ZSWIM2: variants seen among roughly 807,000 people sequenced by gnomAD.
The protein encoded by ZSWIM2 is E3 ubiquitin-protein ligase ZSWIM2.
A neutral mutation model predicts 48.4 loss-of-function variants in ZSWIM2; 38 were observed. The observed-to-expected ratio is 0.79, with a 90% confidence interval of 0.61 to 1.03. The LOEUF (loss-of-function observed/expected upper bound fraction) is 1.03. ZSWIM2 is among the 50% of genes least tolerant of loss of function. The pLI, the probability that ZSWIM2 is intolerant of heterozygous loss-of-function variation, is 0.00. For synonymous variants in ZSWIM2, 240 were observed against 251.3 expected (o/e 0.96, Z 0.42); for missense variants, 776 against 730.2 (o/e 1.06, Z -0.72).
Position 186,839,091 on chromosome 2 carries a change from G to T in ZSWIM2, c.362C>A (p.Pro121Gln), listed in dbSNP as rs1333010458. ...RGIHRVQTPQ[P>Q]GTNDENEHVE... is the part of the protein sequence containing the mutation. ...ATGTTCATTTTCGTCATTTGTTCCTGGTTGGGGAGTTTGAACTCGATGTAT... is the reference window on the plus strand; with the variant it reads ...ATGTTCATTTTCGTCATTTGTTCCTTGTTGGGGAGTTTGAACTCGATGTAT... The change falls in exon 4 of 9, where the codon CCA becomes CAA. Residue 121 changes from proline to glutamine, a missense_variant. Physicochemically the swap from Pro to Gln is moderately conservative, Grantham distance 76 (BLOSUM62 -1). Coordinates refer to ENST00000295131, the MANE Select transcript of ZSWIM2 (RefSeq NM_182521.3). 6 of 1,611,798 alleles carry T rather than the reference G, an allele frequency of 3.7e-6. No homozygotes were observed. The South Asian group carries it at 6.6e-5, about 18-fold the overall frequency.
intron 2 of ZSWIM2, among the ~76,000 whole-genome samples, chr2:186,846,262 T>C (rs1055781826): frequency 1.6e-4 from 25 of 151,846 alleles, no homozygotes; most frequent in African/African-American, 5.8e-4. Flanking sequence ...CCTGAATCTA[T>C]AAGGAACTGA....
At chr2:186,830,920 T>C (rs1038246802) in intron 7 of ZSWIM2, among the ~76,000 whole-genome samples, 1 of 152,178 alleles carries the variant, frequency 6.6e-6, no homozygotes, top group African/African-American at 2.4e-5. Flanking sequence ...TTCAGAAAAG[T>C]TTGTACTTCT....
At chr2:186,846,186 T>C (rs9288136) in intron 2 of ZSWIM2, among the ~76,000 whole-genome samples, 1,904 of 151,818 alleles carry the variant, frequency 0.013, 38 homozygotes, top group African/African-American at 0.043. Context: ...ATCAACAGAG[T>C]GAACAGACAA....
intron 5 of ZSWIM2, among the ~76,000 whole-genome samples, chr2:186,835,929 TG>T (rs1160628275): frequency 6.6e-6 from 1 of 151,858 alleles, no homozygotes; most frequent in Non-Finnish European, 1.5e-5. Flanking sequence ...GGGTCACTAG[TG>T]GGCAGGGGGC....
chr2:186,828,473 G>A lies in ZSWIM2; in HGVS notation c.1413C>T (p.Cys471=), dbSNP rs770557116. 3 of 1,613,252 alleles carry A rather than the reference G, an allele frequency of 1.9e-6. No individual in the cohort carries two copies. Among genetic ancestry groups the A allele is most frequent in the Admixed American group, 1.7e-5 (1 of 59,880 alleles). ...AYENTTIDNL[C]SIKLDNSNSK... ...AATTTGAATTATCTAATTTGATAGA[G>A]CATAGATTATCTATTGTTGTATTTT... Residue 471 remains cysteine, a synonymous_variant, in exon 9 of 9, where the codon TGC becomes TGT. Coordinates refer to ENST00000295131, the MANE Select transcript of ZSWIM2 (RefSeq NM_182521.3).
At chr2:186,838,442 A>G (rs1691839324) in intron 4 of ZSWIM2, among the ~76,000 whole-genome samples, 1 of 150,158 alleles carries the variant, frequency 6.7e-6, no homozygotes, top group Non-Finnish European at 1.5e-5. Flanking sequence ...TGTAATTTCA[A>G]AGTAAAATAA....
intron 2 of ZSWIM2, among the ~76,000 whole-genome samples, chr2:186,846,810 C>T (rs868282406): frequency 0.043 from 6,066 of 142,102 alleles, 602 homozygotes; most frequent in African/African-American, 0.16. Context: ...CACACACACA[C>T]ATATATATAT....
At position 186,834,031 on chromosome 2, in the gene ZSWIM2, C is replaced by A; in HGVS notation, c.744-1G>T. Reference sequence around the variant, plus strand: ...GTGATATTCTATGCATTCGGTACACCTAAAAATACAAAACATCAAAACACG... The same window carrying A: ...GTGATATTCTATGCATTCGGTACACATAAAAATACAAAACATCAAAACACG... On this transcript the variant is annotated splice_acceptor_variant, in intron 5 of 8. Transcript: ENST00000295131. LOFTEE classifies it high-confidence loss of function. The A allele has an allele frequency of 6.2e-7, 1 of 1,603,086 alleles. No individual in the cohort carries two copies. The highest frequency in any genetic ancestry group is 8.5e-7 in the Non-Finnish European group (1 of 1,172,652).
chr2:186,847,664 T>C (rs1692029669), intron 2 of ZSWIM2, 55 bp downstream of exon 2: 1 of 1,351,942 alleles, frequency 7.4e-7, no homozygotes, highest in African/African-American at 1.5e-5. Context: ...AGGCAAAATA[T>C]TTAACACACC....
rs767316396 is a variant in ZSWIM2 at position 186,834,067 on chromosome 2, A to G, written c.744-37T>C. On this transcript the variant is annotated intron_variant, in intron 5 of 8. Transcript: ENST00000295131. The stretch of plus-strand genomic sequence containing the variant: ...AAACATCAAAACACGCAAGAAAAAA[A>G]AATCCAATTATTGTGATGGTTTTGG... 7.9e-6 allele frequency: 12 copies of G among 1,518,582 alleles called. No homozygotes were observed. In the East Asian group the frequency reaches 2.7e-4, roughly 34 times the overall value. The allele number at this position is 1,518,582 out of a possible 1,614,324, so 94.1% of individuals were successfully genotyped here.
At chr2:186,847,037 G>A (rs1457038130) in intron 2 of ZSWIM2, among the ~76,000 whole-genome samples, 2 of 151,460 alleles carry the variant, frequency 1.3e-5, no homozygotes, top group South Asian at 2.1e-4. Context: ...TGGGAGGGTG[G>A]GAAGGGAGTA....
chr2:186,847,804 GA>G lies in ZSWIM2; in HGVS notation c.166-10del. 1 of 1,597,674 alleles carries G rather than the reference GA, an allele frequency of 6.3e-7. No homozygotes were observed. The highest frequency in any genetic ancestry group is 1.1e-5 in the South Asian group (1 of 88,126). The stretch of plus-strand genomic sequence containing the variant: ...GGATTTCCTAGAAAAACCTTTAAAG[GA>G]AAAATGCATACTTAAAAAGACCAGT... On this transcript the variant is annotated splice_polypyrimidine_tract_variant and intron_variant, in intron 1 of 8. Transcript: ENST00000295131.
rs770378328 is a variant in ZSWIM2 at position 186,828,337 on chromosome 2, T to C, written c.1549A>G (p.Ile517Val). The C allele has an allele frequency of 7.4e-6, 12 of 1,613,574 alleles. No individual in the cohort carries two copies. The highest frequency in any genetic ancestry group is 1.6e-4 in the Middle Eastern group (1 of 6,084). Residue 517 changes from isoleucine to valine, a missense_variant, in exon 9 of 9, where the codon ATT (isoleucine) becomes GTT (valine). Ile to Val is a conservative substitution (Grantham distance 29). Coordinates refer to ENST00000295131, the MANE Select transcript of ZSWIM2 (RefSeq NM_182521.3). Reference sequence around the variant, plus strand: ...GGACACACAATATTCTTATGAACAATAGGAGGAAGCAGTGTTTGAGATGGT... The same window carrying C: ...GGACACACAATATTCTTATGAACAACAGGAGGAAGCAGTGTTTGAGATGGT... ...KIPSQTLLPP[I>V]VHKNIVCPTA...
At chr2:186,843,228 T>C (rs1257710524) in intron 3 of ZSWIM2, among the ~76,000 whole-genome samples, 6 of 151,480 alleles carry the variant, frequency 4.0e-5, no homozygotes, top group African/African-American at 1.5e-4. Context: ...GAATAAGACT[T>C]TGGAGAGAGG....
chr2:186,834,026 T>C lies in ZSWIM2; in HGVS notation c.748A>G (p.Thr250Ala), dbSNP rs367857657. 9.3e-6 allele frequency: 15 copies of C among 1,607,166 alleles called. No homozygotes were observed. The highest frequency in any genetic ancestry group is 8.4e-5 in the Admixed American group (5 of 59,750). Residue 250 changes from threonine to alanine, a missense_variant, in exon 6 of 9, where the codon ACC becomes GCC. Transcript: ENST00000295131. ...FPIEGKCYKC[T>A]ECIEYHLCQE... is the part of the protein sequence containing the mutation. ...CATAAGTGATATTCTATGCATTCGGTACACCTAAAAATACAAAACATCAAA... is the reference window on the plus strand; with the variant it reads ...CATAAGTGATATTCTATGCATTCGGCACACCTAAAAATACAAAACATCAAA...
Position 186,829,795 on chromosome 2 carries a change from G to T in ZSWIM2, c.1027C>A (p.Gln343Lys). ...KNSKLLAPGYQCLLCLKAFHL... is the reference protein window; with the variant it reads ...KNSKLLAPGYKCLLCLKAFHL... The stretch of plus-strand genomic sequence containing the variant: ...AATGCCTTCAAACAAAGTAGACACT[G>T]GTAGCCTGGAGCAAGCAGCTTACTA... The change falls in exon 8 of 9, where the codon CAG becomes AAG. Residue 343 changes from glutamine (Q) to lysine (K), a missense_variant. Transcript: ENST00000295131. 6.2e-7 allele frequency: 1 copy of T among 1,613,590 alleles called. No homozygotes were observed. Among genetic ancestry groups the T allele is most frequent in the Non-Finnish European group, 8.5e-7 (1 of 1,179,718 alleles).
intron 3 of ZSWIM2, 29 bp from the exon 4 acceptor site, chr2:186,839,198 C>A (rs1157420283): frequency 6.2e-7 from 1 of 1,602,220 alleles, no homozygotes; most frequent in Non-Finnish European, 8.5e-7. Context: ...GTATTAAAAT[C>A]CAGTCATAAA....
chr2:186,845,953 C>G (rs1369051264), intron 2 of ZSWIM2, among the ~76,000 whole-genome samples: 1 of 151,606 alleles, frequency 6.6e-6, no homozygotes, highest in African/African-American at 2.4e-5. Flanking sequence ...TAAAAGTGGA[C>G]TCATAACTTT....
rs936612734 is a variant in ZSWIM2, at chr2:186,829,299, C to T, written c.1095+428G>A. Among the ~76,000 whole-genome samples, 3 of 152,006 alleles carry T rather than the reference C, an allele frequency of 2.0e-5. No homozygotes were observed. In the South Asian group the frequency reaches 6.2e-4, roughly 31 times the overall value. ...TATCAACCACTATATAGTTGCTTAT[C>T]AATTATATAGTGATCAAGTAGTATT... On this transcript the variant is annotated intron_variant, in intron 8 of 8. Transcript: ENST00000295131.
Sources: gnomAD v4.1 joint callset for allele counts (sites outside exome capture counted in the v4.1 genomes callset) on GRCh38, gnomAD v4.1.1 for gene constraint, MANE v1.5 for transcripts, NCBI Gene and HGNC (gene_info 2026-07-23, HGNC 2026-07-21) for gene names.